Variants in SOX6 observed in about 807,000 individuals in gnomAD.
The protein encoded by SOX6 is SRY-box transcription factor 6.
In SOX6, 11 loss-of-function variants were observed where a neutral mutation model predicts 97.8. The observed-to-expected ratio is 0.11, with a 90% confidence interval of 0.07 to 0.19. The LOEUF is 0.19. Ranked by LOEUF, SOX6 falls within the 10% of genes least tolerant of loss-of-function variation. The pLI, the probability that SOX6 is intolerant of heterozygous loss-of-function variation, is 1.00. For missense variants in SOX6, 810 were observed against 1,039.5 expected, an observed-to-expected ratio of 0.78 and a Z score of 3.04; for synonymous variants, 360 against 371.4, an observed-to-expected ratio of 0.97 and a Z score of 0.35.
chr11:16,245,936 A>G (rs1853322325), intron 3 of SOX6, among the ~76,000 whole-genome samples: 1 of 151,552 alleles, frequency 6.6e-6, no homozygotes, highest in East Asian at 1.9e-4. Context: ...ATTTAATGTA[A>G]TAACTGTTAA....
intron 3 of SOX6, among the ~76,000 whole-genome samples, chr11:16,630,271 G>T (rs983606978): frequency 4.6e-5 from 7 of 152,088 alleles, no homozygotes; most frequent in Non-Finnish European, 8.8e-5. Flanking sequence ...GCATCCCAGA[G>T]ATTTTGGTAT....
intron 4 of SOX6, among the ~76,000 whole-genome samples, chr11:16,193,468 C>T (rs978225876): frequency 7.9e-5 from 12 of 152,124 alleles, no homozygotes; most frequent in Middle Eastern, 3.4e-3. Flanking sequence ...GAAACATGTC[C>T]CAGGGAATTT....
At chr11:16,379,601 A>G (rs1418445628) in intron 1 of SOX6, among the ~76,000 whole-genome samples, 1 of 152,188 alleles carries the variant, frequency 6.6e-6, no homozygotes, top group Non-Finnish European at 1.5e-5. Context: ...AATAATAATA[A>G]TGTGTCAGAG....
intron 3 of SOX6, among the ~76,000 whole-genome samples, chr11:16,243,382 C>A (rs1292725613): frequency 1.3e-5 from 2 of 151,848 alleles, no homozygotes; most frequent in African/African-American, 2.4e-5. Flanking sequence ...GTTTCTGATA[C>A]CACTTTGTGT....
rs374335915 is a variant in SOX6, at chr11:15,991,613, G to T, written c.1733-2383C>A. On this transcript the variant is annotated intron_variant, in intron 13 of 15. Transcript: ENST00000683767. Reference sequence around the variant, plus strand: ...TTCTAAGTTAACTGCTATGCCACAGGTGATTAACATTTGAGCCTGCTTTTA... The same window carrying T: ...TTCTAAGTTAACTGCTATGCCACAGTTGATTAACATTTGAGCCTGCTTTTA... 2.0e-5 allele frequency among the ~76,000 whole-genome samples: 3 copies of T among 152,326 alleles called. No homozygotes were observed. The South Asian group carries it at 6.2e-4, about 32-fold the overall frequency.
chr11:16,398,431 A>G (rs1307731892), intron 1 of SOX6, among the ~76,000 whole-genome samples: 1 of 151,436 alleles, frequency 6.6e-6, no homozygotes, highest in Non-Finnish European at 1.5e-5. Flanking sequence ...AGTCCTATTC[A>G]TCGTACCGGG....
chr11:16,368,235 C>T (rs141391289), intron 1 of SOX6, among the ~76,000 whole-genome samples: 1 of 152,264 alleles, frequency 6.6e-6, no homozygotes, highest in Admixed American at 6.5e-5. Context: ...TAGTCTGTTT[C>T]TCTCCAATAT....
At chr11:16,020,986 C>A (rs1855041267) in intron 12 of SOX6, among the ~76,000 whole-genome samples, 1 of 151,980 alleles carries the variant, frequency 6.6e-6, no homozygotes, top group South Asian at 2.1e-4. Flanking sequence ...ATAATCAAAA[C>A]AAGGAAATTC....
At chr11:16,119,001 C>T (rs1268369026) in intron 6 of SOX6, among the ~76,000 whole-genome samples, 1 of 151,970 alleles carries the variant, frequency 6.6e-6, no homozygotes, top group East Asian at 1.9e-4. Context: ...AAAAAGTGAT[C>T]TTGGGAGAGA....
chr11:16,575,116 G>A (rs555642548), intron 4 of SOX6, among the ~76,000 whole-genome samples: 2 of 151,282 alleles, frequency 1.3e-5, no homozygotes, highest in South Asian at 4.2e-4. Context: ...TACAAAAGAA[G>A]AAATCTACCT....
At chr11:16,402,405 C>T (rs181004622) in intron 1 of SOX6, among the ~76,000 whole-genome samples, 92 of 151,682 alleles carry the variant, frequency 6.1e-4, no homozygotes, top group Non-Finnish European at 7.1e-4. Flanking sequence ...ACACCAATAA[C>T]GTGAGAAAGC....
In SOX6 at chr11:16,342,656, T is replaced by G. The variant is rs1042827366; in HGVS notation, c.-4-1404A>C. Among the ~76,000 whole-genome samples the G allele has an allele frequency of 5.9e-5, 9 of 151,944 alleles. No individual in the cohort carries two copies. In the East Asian group the frequency reaches 1.7e-3, roughly 29 times the overall value. ...GAAAAATAATTAAGTTAATTCCAAT[T>G]TAAACAGTAGTTTTTATGTAGCAGC... On this transcript the variant is annotated intron_variant, in intron 1 of 15. Transcript: ENST00000683767.
chr11:16,685,930 T>C (rs1474952974), intron 3 of SOX6, among the ~76,000 whole-genome samples: 1 of 152,256 alleles, frequency 6.6e-6, no homozygotes. Flanking sequence ...CTTAACACCA[T>C]GTGAAAACCA....
At chr11:16,199,599 C>G (rs6486278) in intron 4 of SOX6, among the ~76,000 whole-genome samples, 1 of 151,904 alleles carries the variant, frequency 6.6e-6, no homozygotes, top group Non-Finnish European at 1.5e-5. Flanking sequence ...AGCCTTCAAG[C>G]CTTCTTCCTG....
chr11:16,402,902 T>C, intron 1 of SOX6: 2 of 1,476,098 alleles, frequency 1.4e-6, no homozygotes, highest in African/African-American at 1.4e-5. Flanking sequence ...TTCCAGATTG[T>C]CATAAAAAGA....
At chr11:16,440,808 G>A (rs1249923332) in intron 1 of SOX6, among the ~76,000 whole-genome samples, 1 of 152,134 alleles carries the variant, frequency 6.6e-6, no homozygotes, top group Non-Finnish European at 1.5e-5. Flanking sequence ...ACCAGGATAA[G>A]TGAAATCTGC....
At chr11:16,181,498 C>T (rs1851345505) in intron 6 of SOX6, among the ~76,000 whole-genome samples, 1 of 150,280 alleles carries the variant, frequency 6.7e-6, no homozygotes, top group African/African-American at 2.4e-5. Context: ...AATAATCTCT[C>T]TCTTAAATTT....
intron 3 of SOX6, among the ~76,000 whole-genome samples, chr11:16,280,739 C>T (rs896487967): frequency 5.9e-5 from 9 of 151,952 alleles, no homozygotes; most frequent in African/African-American, 9.7e-5. Flanking sequence ...ATCTTGTGTA[C>T]GGTTGAATTA....
At chr11:16,142,726 C>G (rs1340278120) in intron 6 of SOX6, among the ~76,000 whole-genome samples, 1 of 151,672 alleles carries the variant, frequency 6.6e-6, no homozygotes, top group Non-Finnish European at 1.5e-5. Context: ...GTAGCCAATT[C>G]GATCAACGGG....
Sources: gnomAD v4.1 joint callset for allele counts (sites outside exome capture counted in the v4.1 genomes callset) on GRCh38, gnomAD v4.1.1 for gene constraint, MANE v1.5 for transcripts, NCBI Gene and HGNC (gene_info 2026-07-23, HGNC 2026-07-21) for gene names.